CACNA1A: variants seen among roughly 807,000 people sequenced by gnomAD.
The protein encoded by CACNA1A is calcium voltage-gated channel subunit alpha1 A, also known as voltage-dependent P/Q-type calcium channel subunit alpha-1A.
CACNA1A carries 57 observed loss-of-function variants against 262.4 expected under a neutral mutation model. The ratio of observed to expected loss-of-function variants is 0.22; its 90% confidence interval spans 0.18 to 0.27. The LOEUF (loss-of-function observed/expected upper bound fraction) is 0.27, where lower values mean the gene tolerates loss of function less well. Among genes scored for constraint, CACNA1A ranks in the 10% least tolerant of loss-of-function variants. CACNA1A has a pLI of 1.00. For synonymous variants in CACNA1A, 1,431 were observed against 1,419.3 expected, an observed-to-expected ratio of 1.01 and a Z score of -0.18; for missense variants, 2,526 against 3,562.8, an observed-to-expected ratio of 0.71 and a Z score of 7.41.
chr19:13,269,623 G>A (rs151032945), intron 24 of CACNA1A, among the ~76,000 whole-genome samples: 304 of 152,312 alleles, frequency 2.0e-3, no homozygotes, highest in Non-Finnish European at 3.8e-3. Context: ...ACTCTTGGCG[G>A]TGAGGGCAGG....
rs867865729 is a variant in CACNA1A, at chr19:13,210,633, C to T, written c.6323G>A (p.Arg2108His). 7.0e-6 allele frequency: 11 copies of T among 1,564,986 alleles called. No individual in the cohort carries two copies. The highest frequency in any genetic ancestry group is 8.6e-6 in the Non-Finnish European group (10 of 1,156,130). ...GGTACATACACTGAGGTTATTCCCA[C>T]GTGGCCGGCCCCTTCTCCTCTGTCA... is the stretch of plus-strand genomic sequence containing the variant. ...AENQRRRGRPRGNNLSTISDT... is the reference protein window; with the variant it reads ...AENQRRRGRPHGNNLSTISDT... Residue 2108 changes from arginine (R) to histidine (H), a missense_variant, in exon 44 of 47, where the codon CGT (arginine) becomes CAT (histidine). By Grantham distance (29) the Arg-to-His change is conservative (BLOSUM62 0). Coordinates refer to ENST00000360228, the MANE Select transcript of CACNA1A (RefSeq NM_001127222.2).
chr19:13,351,125 C>T (rs764618261), intron 6 of CACNA1A, among the ~76,000 whole-genome samples: 11 of 152,092 alleles, frequency 7.2e-5, no homozygotes, highest in Non-Finnish European at 1.5e-4. Context: ...TCTGTTCCTC[C>T]GCTATAAAAC....
At chr19:13,318,352 G>A (rs947615654) in intron 10 of CACNA1A, among the ~76,000 whole-genome samples, 1 of 152,146 alleles carries the variant, frequency 6.6e-6, no homozygotes, top group Non-Finnish European at 1.5e-5. Flanking sequence ...GGCTGGAGTG[G>A]AGTGGTTGAG....
At chr19:13,446,295 T>C (rs1442548773) in intron 3 of CACNA1A, among the ~76,000 whole-genome samples, 1 of 149,320 alleles carries the variant, frequency 6.7e-6, no homozygotes, top group Non-Finnish European at 1.5e-5. Context: ...ATTAAAGTCA[T>C]CACTGTCTCA....
At chr19:13,417,933 GAC>G (rs1430015062) in intron 3 of CACNA1A, among the ~76,000 whole-genome samples, 1 of 147,578 alleles carries the variant, frequency 6.8e-6, no homozygotes, top group Non-Finnish European at 1.5e-5. Context: ...CTTCCACCAA[GAC>G]ACAGACCTCC....
chr19:13,281,971 G>A (rs576709583), intron 22 of CACNA1A, among the ~76,000 whole-genome samples: 112 of 152,274 alleles, frequency 7.4e-4, no homozygotes, highest in South Asian at 2.3e-3. Flanking sequence ...CAGCATCCTC[G>A]CGTCAGCAGG....
At position 13,298,105 on chromosome 19, in the gene CACNA1A, G is replaced by A. The variant is rs1442184724; in HGVS notation, c.3089+439C>T. 2.7e-5 allele frequency among the ~76,000 whole-genome samples: 4 copies of A among 149,742 alleles called. No individual in the cohort carries two copies. The Admixed American group carries it at 2.7e-4, about 10-fold the overall frequency. On this transcript the variant is annotated intron_variant, in intron 19 of 46. Coordinates refer to ENST00000360228, the MANE Select transcript of CACNA1A (RefSeq NM_001127222.2). Reference sequence around the variant, plus strand: ...CTCAAAGTGCTGGGATTACAGGCATGAGCCACTGCTCCTGGCCAAATACAG... The same window carrying A: ...CTCAAAGTGCTGGGATTACAGGCATAAGCCACTGCTCCTGGCCAAATACAG...
chr19:13,207,517 G>C lies in CACNA1A; in HGVS notation c.7317C>G (p.Pro2439=), dbSNP rs753473265. 4.9e-6 allele frequency: 7 copies of C among 1,431,528 alleles called. No individual in the cohort carries two copies. The highest frequency in any genetic ancestry group is 2.7e-5 in the South Asian group (2 of 74,066). 88.7% of individuals were successfully genotyped at this position (1,431,528 alleles called of 1,614,324 possible). A position where few individuals can be genotyped will look rare whatever the true frequency, so the allele number is the denominator to read the frequency against. The change falls in exon 47 of 47, where the codon CCC becomes CCG. Residue 2439 remains proline, a synonymous_variant. Coordinates refer to ENST00000360228, the MANE Select transcript of CACNA1A (RefSeq NM_001127222.2). The surrounding 1 kb of genome is among the most constrained non-coding windows in gnomAD (Gnocchi z 5.7). ...TGGCGCCCGAGGACGCGTGTCGTACGGGGGGTGGCGCGTCGTAGGCCCCGG... is the reference window on the plus strand; with the variant it reads ...TGGCGCCCGAGGACGCGTGTCGTACCGGGGGTGGCGCGTCGTAGGCCCCGG... ...AMAGAYDAPP[P]VRHASSGATG...
chr19:13,235,402 G>A lies in CACNA1A; in HGVS notation c.5068-128C>T, dbSNP rs2304091. On this transcript the variant is annotated intron_variant, in intron 32 of 46. Coordinates refer to ENST00000360228, the MANE Select transcript of CACNA1A (RefSeq NM_001127222.2). ...ATGCCACGTGCCAGAGTCCTTCCAG[G>A]GCTGGTGGGCATCTCTGGGGGCTCT... 2.1e-4 allele frequency: 198 copies of A among 928,468 alleles called. 1 individual carries two copies. The East Asian group carries it at 5.1e-3, about 24-fold the overall frequency. 57.5% of individuals were successfully genotyped at this position (928,468 alleles called of 1,614,324 possible).
At chr19:13,259,769 T>C in intron 26 of CACNA1A, 68 bp from the exon 27 acceptor site, 1 of 1,549,766 alleles carries the variant, frequency 6.5e-7, no homozygotes, top group Non-Finnish European at 8.8e-7. Flanking sequence ...TCTTTGGTTA[T>C]CAGAGACAGG....
intron 10 of CACNA1A, among the ~76,000 whole-genome samples, chr19:13,323,339 T>C (rs2058293898): frequency 1.3e-5 from 2 of 152,198 alleles, no homozygotes; most frequent in Non-Finnish European, 1.5e-5. Flanking sequence ...TGATAGCTAA[T>C]GGTGGTTTTG....
chr19:13,413,265 C>T (rs898748470), intron 3 of CACNA1A, among the ~76,000 whole-genome samples: 1 of 151,848 alleles, frequency 6.6e-6, no homozygotes, highest in African/African-American at 2.4e-5. Flanking sequence ...CGCCACCATA[C>T]CTGGCTAATT....
chr19:13,251,046 C>T (rs747131722), intron 30 of CACNA1A, among the ~76,000 whole-genome samples: 1 of 150,742 alleles, frequency 6.6e-6, no homozygotes. Flanking sequence ...ATGGGAGAAT[C>T]GCTTGAACCC....
At chr19:13,276,940 G>C (rs1333892120) in intron 23 of CACNA1A, 129 bp downstream of exon 23, 1 of 620,674 alleles carries the variant, frequency 1.6e-6, no homozygotes, top group Non-Finnish European at 2.9e-6. Context: ...TCAACCTCCT[G>C]ATCTCAAGTG....
chr19:13,335,573 TAA>T (rs903637958), intron 7 of CACNA1A, among the ~76,000 whole-genome samples: 2 of 152,004 alleles, frequency 1.3e-5, no homozygotes, highest in African/African-American at 4.8e-5. Context: ...TATTGGTTTT[TAA>T]AAAAAATGTA....
chr19:13,294,487 C>CTTTTTTTTTTTTTTTTTTTTTT lies in CACNA1A; in HGVS notation c.3089+4035_3089+4056dup, dbSNP rs780908964. On this transcript the variant is annotated intron_variant, in intron 19 of 46. Transcript: ENST00000360228. The stretch of plus-strand genomic sequence containing the variant: ...TACAGGTGCATACCACTGTACCTGG[C>CTTTTTTTTTTTTTTTTTTTTTT]TTTTTTTTTTTTTTTTTTTTTTTGA... Among the ~76,000 whole-genome samples, 23 of 72,526 alleles carry CTTTTTTTTTTTTTTTTTTTTTT rather than the reference C, an allele frequency of 3.2e-4. 4 individuals carry two copies. Among genetic ancestry groups the CTTTTTTTTTTTTTTTTTTTTTT allele is most frequent in the South Asian group, 2.1e-3 (4 of 1,894 alleles). The allele number at this position is 72,526 out of a possible 152,430, so 47.6% of individuals were successfully genotyped here.
intron 3 of CACNA1A, among the ~76,000 whole-genome samples, chr19:13,390,557 T>A (rs182371365): frequency 6.6e-6 from 1 of 152,202 alleles, no homozygotes; most frequent in Non-Finnish European, 1.5e-5. Context: ...AAGAACTGAG[T>A]TTTAAATTTC....
At chr19:13,446,065 C>T (rs1001387287) in intron 3 of CACNA1A, among the ~76,000 whole-genome samples, 5 of 151,944 alleles carry the variant, frequency 3.3e-5, no homozygotes, top group Middle Eastern at 3.4e-3. Context: ...ACCTGAGGTC[C>T]GGAGTTCGAG....
chr19:13,433,569 G>A (rs749170202), intron 3 of CACNA1A, among the ~76,000 whole-genome samples: 1 of 151,740 alleles, frequency 6.6e-6, no homozygotes, highest in East Asian at 1.9e-4. Context: ...GTGGGGAAGT[G>A]ACCTTGGTCT....
Sources: allele counts gnomAD v4.1 joint callset (sites outside exome capture counted in the v4.1 genomes callset), GRCh38; gene constraint gnomAD v4.1.1; non-coding constraint Gnocchi (gnomAD v3.1); transcripts MANE v1.5; gene names NCBI Gene and HGNC (gene_info 2026-07-23, HGNC 2026-07-21).